CACNA1C: variants seen among roughly 807,000 people sequenced by gnomAD.
CACNA1C encodes calcium voltage-gated channel subunit alpha1 C, also known as voltage-dependent L-type calcium channel subunit alpha-1C.
Under a neutral mutation model 229.0 loss-of-function variants are expected in CACNA1C, and 30 were observed. That is an observed-to-expected ratio of 0.13 (90% CI 0.10 to 0.18). CACNA1C has a LOEUF of 0.18. Ranked by LOEUF, CACNA1C falls within the 10% of genes least tolerant of loss-of-function variation. The pLI is 1.00. For missense variants in CACNA1C, 1,658 were observed against 2,845.0 expected, an observed-to-expected ratio of 0.58 and a Z score of 9.49; for synonymous variants, 1,114 against 1,132.5, an observed-to-expected ratio of 0.98 and a Z score of 0.33.
intron 3 of CACNA1C, among the ~76,000 whole-genome samples, chr12:2,329,459 A>G (rs556015140): frequency 1.4e-4 from 21 of 152,270 alleles, no homozygotes; most frequent in African/African-American, 4.3e-4. Flanking sequence ...ACCACCAGCC[A>G]ATGCAGTGAG....
chr12:2,166,046 C>G (rs750214399), intron 3 of CACNA1C, among the ~76,000 whole-genome samples: 1 of 152,216 alleles, frequency 6.6e-6, no homozygotes, highest in Non-Finnish European at 1.5e-5. Context: ...CAGGGTGAAA[C>G]TTCAAAGACT....
At chr12:2,032,060 T>G (rs965251368) in intron 1 of CACNA1C, among the ~76,000 whole-genome samples, 3 of 151,934 alleles carry the variant, frequency 2.0e-5, no homozygotes, top group Non-Finnish European at 4.4e-5. Flanking sequence ...TAACCACAGC[T>G]CCCATCCCCA....
intron 1 of CACNA1C, among the ~76,000 whole-genome samples, chr12:2,103,409 CCTAGT>C (rs2077114061): frequency 6.6e-6 from 1 of 152,028 alleles, no homozygotes; most frequent in Non-Finnish European, 1.5e-5. Context: ...ATATCCTTTA[CCTAGT>C]TTTTGATGGG....
At chr12:2,648,599 G>T in intron 31 of CACNA1C, 92 bp downstream of exon 31, 1 of 1,116,082 alleles carries the variant, frequency 9.0e-7, no homozygotes. Flanking sequence ...GTCCCTGGGA[G>T]CCCTGCCTGG....
intron 29 of CACNA1C, among the ~76,000 whole-genome samples, chr12:2,615,847 T>C (rs1028049749): frequency 4.6e-5 from 7 of 152,274 alleles, no homozygotes; most frequent in African/African-American, 1.7e-4. Flanking sequence ...CAGGAGGCGA[T>C]GAGTGAGAGG....
rs746234382 is a variant in CACNA1C, at chr12:2,605,056, T to C, written c.2961-25T>C. The C allele has an allele frequency of 2.8e-5, 44 of 1,579,308 alleles. No homozygotes were observed. Among genetic ancestry groups the C allele is most frequent in the Admixed American group, 1.2e-4 (7 of 59,956 alleles). ...CCCCCCAGAAACAGGAGGAGCTTAC[T>C]ACCCTGCCTGTTTCCCTCTCCCAGG... is the stretch of plus-strand genomic sequence containing the variant. On this transcript the variant is annotated intron_variant, in intron 22 of 46. Transcript: ENST00000399655. This position sits in a 1 kb window ranked among gnomAD's most constrained non-coding sequence, Gnocchi z 6.2.
At chr12:2,586,763 A>G (rs1376604731) in intron 18 of CACNA1C, among the ~76,000 whole-genome samples, 1 of 152,196 alleles carries the variant, frequency 6.6e-6, no homozygotes, top group Non-Finnish European at 1.5e-5. Flanking sequence ...CTCTGCTTAG[A>G]ACACTCACAG....
At chr12:2,590,762 T>C (rs1037064635) in intron 18 of CACNA1C, among the ~76,000 whole-genome samples, 1 of 152,218 alleles carries the variant, frequency 6.6e-6, no homozygotes, top group African/African-American at 2.4e-5. Flanking sequence ...ATAGTAAATA[T>C]GGGTTTCTGT....
intron 9 of CACNA1C, among the ~76,000 whole-genome samples, chr12:2,530,128 G>A (rs1301722302): frequency 6.6e-6 from 1 of 152,218 alleles, no homozygotes; most frequent in Non-Finnish European, 1.5e-5. Context: ...AACCATTTTG[G>A]TAATAAATAG....
intron 3 of CACNA1C, among the ~76,000 whole-genome samples, chr12:2,358,255 G>C (rs1298548624): frequency 1.7e-3 from 2 of 1,208 alleles, no homozygotes; most frequent in East Asian, 0.026. Flanking sequence ...GTCCTCCTGT[G>C]TGTGTGTGTG....
intron 3 of CACNA1C, among the ~76,000 whole-genome samples, chr12:2,297,876 CCA>C (rs763928647): frequency 4.6e-5 from 7 of 150,892 alleles, no homozygotes; most frequent in Non-Finnish European, 7.4e-5. Context: ...AAACCTAAAA[CCA>C]CACACACACA....
At position 2,120,519 on chromosome 12, in the gene CACNA1C, T is replaced by A. The variant is rs2086098278; in HGVS notation, c.477+89T>A. On this transcript the variant is annotated intron_variant, in intron 3 of 46. Transcript: ENST00000399655. Reference sequence around the variant, plus strand: ...AGATGCATGGAATGTGGGAGAGAAGTGAGACGTGTGTTTGGCATGTGCAGG... The same window carrying A: ...AGATGCATGGAATGTGGGAGAGAAGAGAGACGTGTGTTTGGCATGTGCAGG... The A allele has an allele frequency of 8.5e-6, 7 of 820,994 alleles. No individual in the cohort carries two copies. In the East Asian group the frequency reaches 1.7e-4, roughly 20 times the overall value. 50.9% of individuals were successfully genotyped at this position (820,994 alleles called of 1,614,324 possible).
intron 1 of CACNA1C, among the ~76,000 whole-genome samples, chr12:2,096,960 A>G (rs938275224): frequency 1.3e-5 from 2 of 152,214 alleles, no homozygotes; most frequent in Admixed American, 1.3e-4. Context: ...AGACCACACT[A>G]TGTTTGCCCA....
intron 5 of CACNA1C, among the ~76,000 whole-genome samples, chr12:2,462,214 TGC>T (rs1162389709): frequency 1.2e-4 from 18 of 149,812 alleles, no homozygotes; most frequent in African/African-American, 4.4e-4. Context: ...CTCAGCTCTC[TGC>T]ACAGGCCTGC....
chr12:2,567,622 A>T lies in CACNA1C; in HGVS notation c.1723A>T (p.Met575Leu), dbSNP rs1157777158. 5 of 1,610,378 alleles carry T rather than the reference A, an allele frequency of 3.1e-6. No individual in the cohort carries two copies. In the African/African-American group the frequency reaches 5.3e-5, roughly 17 times the overall value. ...ALFTAEMLLK[M>L]YSLGLQAYFV... ...GTTCACGGCAGAGATGCTCCTGAAG[A>T]TGTACAGCCTGGGCCTGCAGGCCTA... The change falls in exon 13 of 47, where the codon ATG (methionine) becomes TTG (leucine). Residue 575 changes from methionine (M) to leucine (L), a missense_variant. Met to Leu is a conservative substitution (Grantham distance 15). Coordinates refer to ENST00000399655, the MANE Select transcript of CACNA1C (RefSeq NM_000719.7).
At chr12:2,395,215 T>C (rs1203759916) in intron 3 of CACNA1C, among the ~76,000 whole-genome samples, 3 of 150,818 alleles carry the variant, frequency 2.0e-5, no homozygotes, top group Admixed American at 1.3e-4. Context: ...CTAGCTTTTT[T>C]TTTTTTTTTT....
At chr12:2,325,480 A>G (rs2096250148) in intron 3 of CACNA1C, among the ~76,000 whole-genome samples, 1 of 152,236 alleles carries the variant, frequency 6.6e-6, no homozygotes, top group African/African-American at 2.4e-5. Flanking sequence ...GGTTTATTGG[A>G]AGGAATATCG....
intron 3 of CACNA1C, among the ~76,000 whole-genome samples, chr12:2,444,669 C>G (rs2099261270): frequency 6.6e-6 from 1 of 152,112 alleles, no homozygotes; most frequent in Admixed American, 6.6e-5. Flanking sequence ...CTTGAAGTCC[C>G]CTGCTGCAGT....
intron 3 of CACNA1C, chr12:2,269,653 C>A (rs1385259200): frequency 1.3e-5 from 2 of 152,044 alleles, no homozygotes; most frequent in African/African-American, 4.8e-5. Context: ...AGAATGGGTA[C>A]CGAGTGTTCA....
Sources: gnomAD v4.1 joint callset for allele counts (sites outside exome capture counted in the v4.1 genomes callset) on GRCh38, gnomAD v4.1.1 for gene constraint, Gnocchi (gnomAD v3.1) non-coding constraint, MANE v1.5 for transcripts, NCBI Gene and HGNC (gene_info 2026-07-23, HGNC 2026-07-21) for gene names.